The following IL36RN variants were observed in gnomAD, a reference collection of about 807,000 sequenced individuals.
IL36RN encodes interleukin-36 receptor antagonist protein.
A neutral mutation model predicts 13.0 loss-of-function variants in IL36RN; 11 were observed. The ratio of observed to expected loss-of-function variants is 0.85; its 90% CI spans 0.53 to 1.40. The LOEUF (loss-of-function observed/expected upper bound fraction) is 1.40, where lower values mean the gene tolerates loss of function less well. Ranked by LOEUF, IL36RN falls within the 40% of genes most tolerant of loss-of-function variation. IL36RN has a pLI of 0.00. For missense variants in IL36RN, 195 were observed against 195.3 expected (o/e 1.00, Z 0.01); for synonymous variants, 94 against 84.1 (o/e 1.12, Z -0.64).
In IL36RN at chr2:113,062,559, C is replaced by T. The variant is rs141341649; in HGVS notation, c.350C>T (p.Pro117Leu). ...LTSSFESAAYPGWFLCTVPEA... is the reference protein window; with the variant it reads ...LTSSFESAAYLGWFLCTVPEA... ...TCCAGCTTCGAGTCGGCTGCCTACC[C>T]GGGCTGGTTCCTGTGCACGGTGCCT... Residue 117 changes from proline to leucine, a missense_variant, in exon 5 of 5, where the codon CCG becomes CTG. Pro to Leu is a moderately conservative substitution (Grantham distance 98, BLOSUM62 -3). Transcript: ENST00000393200. The T allele has an allele frequency of 7.8e-5, 126 of 1,614,024 alleles. No homozygotes were observed. In the African/African-American group the frequency reaches 1.1e-3, roughly 14 times the overall value.
intron 3 of IL36RN, among the ~76,000 whole-genome samples, chr2:113,061,223 C>G (rs1685634132): frequency 1.3e-5 from 2 of 152,232 alleles, no homozygotes; most frequent in Non-Finnish European, 2.9e-5. Flanking sequence ...TCAAGCATTG[C>G]ATTCCCTGGG....
intron 3 of IL36RN, among the ~76,000 whole-genome samples, chr2:113,061,620 G>A (rs1336630818): frequency 1.3e-5 from 2 of 152,190 alleles, no homozygotes; most frequent in Non-Finnish European, 2.9e-5. Context: ...ATGTGTGAGT[G>A]CAGGTATGTA....
At chr2:113,059,657 C>G (rs1685601148) in intron 2 of IL36RN, among the ~76,000 whole-genome samples, 190 bp downstream of exon 2, 1 of 152,138 alleles carries the variant, frequency 6.6e-6, no homozygotes, top group African/African-American at 2.4e-5. Flanking sequence ...CTGGGGCAGG[C>G]CATCTCACAA....
chr2:113,060,827 T>C, intron 2 of IL36RN, 25 bp from the exon 3 acceptor site: 4 of 1,572,512 alleles, frequency 2.5e-6, no homozygotes, highest in South Asian at 2.2e-5. Flanking sequence ...CCTAATGTAG[T>C]CCTCACCCCT....
rs1423656478 is a variant in IL36RN, at chr2:113,063,870, G to T, written c.*1193G>T. ...CTGGGATTCCAAGGCATTGGATCCA[G>T]TCTCTAAGAAGGCTGCTGTACTGGT... is the stretch of plus-strand genomic sequence containing the variant. On this transcript the variant is annotated 3_prime_UTR_variant, in exon 5 of 5. Coordinates refer to ENST00000393200, the MANE Select transcript of IL36RN (RefSeq NM_012275.3). 6.6e-6 allele frequency: 1 copy of T among 152,212 alleles called. No homozygotes were observed. Among genetic ancestry groups the T allele is most frequent in the Non-Finnish European group, 1.5e-5 (1 of 68,040 alleles). 9.4% of individuals were successfully genotyped at this position (152,212 alleles called of 1,614,324 possible).
chr2:113,062,311 G>A (rs1435743361), intron 4 of IL36RN, 60 bp downstream of exon 4: 20 of 1,610,858 alleles, frequency 1.2e-5, no homozygotes, highest in African/African-American at 2.7e-5. Context: ...TACTGAAGCC[G>A]GGCAGCCCAC....
At position 113,062,580 on chromosome 2, in the gene IL36RN, T is replaced by G; in HGVS notation, c.371T>G (p.Val124Gly). 6.2e-7 allele frequency: 1 copy of G among 1,613,824 alleles called. No homozygotes were observed. The highest frequency in any genetic ancestry group is 8.5e-7 in the Non-Finnish European group (1 of 1,180,018). The change falls in exon 5 of 5, where the codon GTG (valine) becomes GGG (glycine). Residue 124 changes from valine to glycine, a missense_variant. Coordinates refer to ENST00000393200, the MANE Select transcript of IL36RN (RefSeq NM_012275.3). The part of the protein sequence containing the change: ...AAYPGWFLCT[V>G]PEADQPVRLT... ...TACCCGGGCTGGTTCCTGTGCACGG[T>G]GCCTGAAGCCGATCAGCCTGTCAGA...
At position 113,062,676 on chromosome 2, in the gene IL36RN, A is replaced by AG. The variant is rs769231533; in HGVS notation, c.*2dup. 4.3e-6 allele frequency: 7 copies of AG among 1,609,610 alleles called. No homozygotes were observed. The Admixed American group carries it at 1.2e-4, about 27-fold the overall frequency. Residue 156 remains the stop codon, a frameshift_variant and stop_retained_variant, in exon 5 of 5, where the codon TAG becomes TAGG. Coordinates refer to ENST00000393200, the MANE Select transcript of IL36RN (RefSeq NM_012275.3). LOFTEE classifies it high-confidence loss of function. Reference sequence around the variant, plus strand: ...GACTTCTACTTCCAGCAGTGTGACTAGGGCAACGTGCCCCCCAGAACTCCC... The same window carrying AG: ...GACTTCTACTTCCAGCAGTGTGACTAGGGGCAACGTGCCCCCCAGAACTCCC... ...ITDFYFQQCD[*] is the part of the protein sequence containing the mutation.
chr2:113,063,947 G>A lies in IL36RN; in HGVS notation c.*1270G>A, dbSNP rs1685694214. 6.6e-6 allele frequency: 1 copy of A among 152,224 alleles called. No homozygotes were observed. The highest frequency in any genetic ancestry group is 2.1e-4 in the South Asian group (1 of 4,832). 9.4% of individuals were successfully genotyped at this position (152,224 alleles called of 1,614,324 possible). On this transcript the variant is annotated 3_prime_UTR_variant, in exon 5 of 5. Coordinates refer to ENST00000393200, the MANE Select transcript of IL36RN (RefSeq NM_012275.3). ...TCCTTCTTGGAATCTCAGTCTGTGA[G>A]TTTATTTGGAGATAAGGTCTCTGCA...
At chr2:113,060,994 G>T (rs1685630532) in intron 3 of IL36RN, 57 bp downstream of exon 3, 1 of 1,302,556 alleles carries the variant, frequency 7.7e-7, no homozygotes, top group South Asian at 1.2e-5. Context: ...CAGGGGAGGG[G>T]GCCTGAAGAG....
chr2:113,059,303 C>T, intron 1 of IL36RN, 62 bp downstream of exon 1: 1 of 903,948 alleles, frequency 1.1e-6, no homozygotes, highest in Non-Finnish European at 1.8e-6. Context: ...AGAATCTGCT[C>T]CGTGGAGGCT....
intron 3 of IL36RN, among the ~76,000 whole-genome samples, chr2:113,061,278 C>A (rs893332830): frequency 2.0e-5 from 3 of 152,180 alleles, no homozygotes; most frequent in Non-Finnish European, 4.4e-5. Context: ...TTCTCTATAC[C>A]TTTTTTCCCA....
chr2:113,062,310 C>G lies in IL36RN; in HGVS notation c.243+59C>G, dbSNP rs1029917786. 3.1e-6 allele frequency: 5 copies of G among 1,610,932 alleles called. No homozygotes were observed. The South Asian group carries it at 4.4e-5, about 14-fold the overall frequency. On this transcript the variant is annotated intron_variant, in intron 4 of 4. Coordinates refer to ENST00000393200, the MANE Select transcript of IL36RN (RefSeq NM_012275.3). ...CCACAGATGCTGAGCCTACTGAAGC[C>G]GGGCAGCCCACAGCCCTGGTGCTGT...
chr2:113,059,135 C>G (rs561514161), upstream of IL36RN: 1 of 475,538 alleles, frequency 2.1e-6, no homozygotes, highest in Non-Finnish European at 3.8e-6. Flanking sequence ...CTCCTCAGGT[C>G]CTGGCAGTTT....
rs397514629 is a variant in IL36RN, at chr2:113,062,577, C to T, written c.368C>T (p.Thr123Met). The change falls in exon 5 of 5, where the codon ACG becomes ATG. Residue 123 changes from threonine to methionine, a missense_variant. Transcript: ENST00000393200. ...GCCTACCCGGGCTGGTTCCTGTGCA[C>T]GGTGCCTGAAGCCGATCAGCCTGTC... ...SAAYPGWFLC[T>M]VPEADQPVRL... The T allele has an allele frequency of 2.9e-5, 46 of 1,613,750 alleles. No individual in the cohort carries two copies. Among genetic ancestry groups the T allele is most frequent in the East Asian group, 2.0e-4 (9 of 44,886 alleles).
rs762586699 is a variant in IL36RN at position 113,062,440 on chromosome 2, C to A, written c.244-13C>A. On this transcript the variant is annotated splice_polypyrimidine_tract_variant and intron_variant, in intron 4 of 4. Transcript: ENST00000393200. ...CTTCTGCCCTCACCTGACCTCCCCT[C>A]CTCTGCCGGCAGCCAGTGAACATCA... The A allele has an allele frequency of 1.1e-5, 17 of 1,613,980 alleles. No homozygotes were observed. Among genetic ancestry groups the A allele is most frequent in the Non-Finnish European group, 1.4e-5 (17 of 1,179,962 alleles).
In IL36RN at chr2:113,063,013, C is replaced by T; in HGVS notation, c.*336C>T. 3 of 379,926 alleles carry T rather than the reference C, an allele frequency of 7.9e-6. No individual in the cohort carries two copies. The highest frequency in any genetic ancestry group is 4.2e-5 in the South Asian group (2 of 47,460). The allele number at this position is 379,926 out of a possible 1,614,324, so 23.5% of individuals were successfully genotyped here. A position where few individuals can be genotyped will look rare whatever the true frequency, so the allele number is the denominator to read the frequency against. On this transcript the variant is annotated 3_prime_UTR_variant, in exon 5 of 5. Coordinates refer to ENST00000393200, the MANE Select transcript of IL36RN (RefSeq NM_012275.3). ...TTAATGGTAACTGACCAGTGTTACC[C>T]TGAGCCCCGCAGGCCAACCCATCCC...
At chr2:113,060,577 G>A (rs1389815106) in intron 2 of IL36RN, among the ~76,000 whole-genome samples, 3 of 152,158 alleles carry the variant, frequency 2.0e-5, no homozygotes, top group African/African-American at 4.8e-5. Context: ...CTGACTCACC[G>A]TGCAGCTTCT....
At chr2:113,059,017 T>G, upstream of IL36RN, 1 of 244,730 alleles carries the variant, frequency 4.1e-6, no homozygotes, top group Non-Finnish European at 8.1e-6. Context: ...TCTTCAATAT[T>G]TCTGGAAGGA....
Sources: allele counts gnomAD v4.1 joint callset (sites outside exome capture counted in the v4.1 genomes callset), GRCh38; gene constraint gnomAD v4.1.1; transcripts MANE v1.5; gene names NCBI Gene and HGNC (gene_info 2026-07-23, HGNC 2026-07-21).